Variants in GRID1 observed in about 807,000 individuals in gnomAD.
The protein encoded by GRID1 is glutamate ionotropic receptor delta type subunit 1, also known as glutamate receptor ionotropic, delta-1.
Under a neutral mutation model 98.0 loss-of-function variants are expected in GRID1, and 28 were observed. That is an observed-to-expected ratio of 0.29 (90% CI 0.21 to 0.39). GRID1 has a LOEUF of 0.39. GRID1 is among the 10% of genes least tolerant of loss of function. The pLI, the probability that GRID1 is intolerant of heterozygous loss-of-function variation, is 1.00. For synonymous variants in GRID1, 553 were observed against 538.5 expected, an observed-to-expected ratio of 1.03 and a Z score of -0.37; for missense variants, 1,111 against 1,340.5, an observed-to-expected ratio of 0.83 and a Z score of 2.67.
intron 8 of GRID1, among the ~76,000 whole-genome samples, chr10:85,782,679 C>T (rs1368577139): frequency 3.3e-5 from 5 of 152,188 alleles, no homozygotes; most frequent in Admixed American, 6.5e-5. Context: ...GAGGGAGCAG[C>T]GAGTGCAAAG....
Position 85,623,748 on chromosome 10 carries a change from C to G in GRID1, c.2194-3715G>C, listed in dbSNP as rs551834040. Among the ~76,000 whole-genome samples the G allele has an allele frequency of 5.3e-5, 8 of 152,344 alleles. No individual in the cohort carries two copies. In the East Asian group the frequency reaches 1.5e-3, roughly 29 times the overall value. ...TTCTATCAGGAAAGCATGTCTACCC[C>G]TTTCTTGCCTTGCTCCATCCCTTCA... On this transcript the variant is annotated intron_variant, in intron 13 of 15. Coordinates refer to ENST00000327946, the MANE Select transcript of GRID1 (RefSeq NM_017551.3).
At chr10:86,209,227 G>A (rs1282842570) in intron 2 of GRID1, among the ~76,000 whole-genome samples, 2 of 152,184 alleles carry the variant, frequency 1.3e-5, no homozygotes, top group Non-Finnish European at 2.9e-5. Context: ...CCAAAATTTT[G>A]TGACATAAAC....
intron 4 of GRID1, among the ~76,000 whole-genome samples, chr10:86,031,462 T>C (rs1456143967): frequency 6.6e-6 from 1 of 152,164 alleles, no homozygotes; most frequent in Non-Finnish European, 1.5e-5. Flanking sequence ...GGGTACTATG[T>C]TCACTACTTA....
chr10:85,732,142 G>A (rs1335574109), intron 8 of GRID1, among the ~76,000 whole-genome samples: 1 of 152,016 alleles, frequency 6.6e-6, no homozygotes, highest in African/African-American at 2.4e-5. Context: ...TATTTATTTG[G>A]GGTGCCTGCA....
chr10:85,857,444 G>A (rs1843123014), intron 6 of GRID1, among the ~76,000 whole-genome samples: 1 of 152,010 alleles, frequency 6.6e-6, no homozygotes, highest in Admixed American at 6.5e-5. Flanking sequence ...CCCTCCCAGG[G>A]GCCCAGCGGG....
At chr10:85,985,241 G>A (rs950194549) in intron 4 of GRID1, among the ~76,000 whole-genome samples, 6 of 152,198 alleles carry the variant, frequency 3.9e-5, no homozygotes, top group Non-Finnish European at 8.8e-5. Context: ...CTGAGACTCG[G>A]AGAGGGTTCA....
intron 4 of GRID1, among the ~76,000 whole-genome samples, chr10:85,927,940 T>C (rs1006850870): frequency 6.6e-6 from 1 of 152,200 alleles, no homozygotes; most frequent in East Asian, 1.9e-4. Context: ...GTATGGGGCA[T>C]TGGCCCAGGA....
chr10:85,692,780 C>T (rs563785359), intron 12 of GRID1, among the ~76,000 whole-genome samples: 1 of 151,344 alleles, frequency 6.6e-6, no homozygotes, highest in Non-Finnish European at 1.5e-5. Context: ...TAAGAAAAAA[C>T]CTACAAAATA....
intron 4 of GRID1, among the ~76,000 whole-genome samples, chr10:85,978,388 T>C (rs1041280796): frequency 9.2e-5 from 14 of 152,186 alleles, no homozygotes; most frequent in Non-Finnish European, 1.9e-4. Context: ...AAAGAACATA[T>C]TTAATCAACT....
At position 85,724,414 on chromosome 10, in the gene GRID1, G is replaced by A. The variant is rs761861163; in HGVS notation, c.1796C>T (p.Pro599Leu). 6.8e-6 allele frequency: 11 copies of A among 1,613,986 alleles called. No homozygotes were observed. In the Admixed American group the frequency reaches 8.3e-5, roughly 12 times the overall value. The change falls in exon 11 of 16, where the codon CCG becomes CTG. Residue 599 changes from proline to leucine, a missense_variant. Physicochemically the swap from Pro to Leu is moderately conservative, Grantham distance 98. This residue lies in a region of GRID1 where 762 missense variants were observed against 869.1 expected (regional missense o/e 0.88). Coordinates refer to ENST00000327946, the MANE Select transcript of GRID1 (RefSeq NM_017551.3). Reference protein sequence around the residue: ...VRAQSAAQPRPSASATLHSAI... With the variant: ...VRAQSAAQPRLSASATLHSAI... ...GCTGTGCAGAGTGGCAGAAGCTGAC[G>A]GCCTGGGCTGGGCAGCACTCTGAGC...
chr10:86,329,012 A>C (rs1477682277), intron 2 of GRID1, among the ~76,000 whole-genome samples: 1 of 152,196 alleles, frequency 6.6e-6, no homozygotes, highest in African/African-American at 2.4e-5. Context: ...TTTCAAGCCC[A>C]AAAGCCCTGT....
intron 4 of GRID1, among the ~76,000 whole-genome samples, chr10:86,061,113 G>A (rs1283012327): frequency 2.0e-5 from 3 of 152,044 alleles, no homozygotes; most frequent in Admixed American, 6.5e-5. Flanking sequence ...CCTCCTGGGG[G>A]TACTCTACAG....
intron 2 of GRID1, among the ~76,000 whole-genome samples, chr10:86,266,830 T>C (rs1589431860): frequency 6.6e-6 from 1 of 152,188 alleles, no homozygotes; most frequent in Non-Finnish European, 1.5e-5. Context: ...TGAGGCCTAC[T>C]ACTTCCTGCC....
chr10:86,001,088 G>A, intron 4 of GRID1, among the ~76,000 whole-genome samples: 1 of 152,138 alleles, frequency 6.6e-6, no homozygotes, highest in East Asian at 1.9e-4. Flanking sequence ...AAAGCAGCTG[G>A]TCTCAAAGGC....
chr10:85,906,549 T>C (rs1177466220), intron 5 of GRID1, among the ~76,000 whole-genome samples: 2 of 152,206 alleles, frequency 1.3e-5, no homozygotes, highest in African/African-American at 4.8e-5. Context: ...ATAGAAACTC[T>C]ATCCTCTAAC....
intron 4 of GRID1, among the ~76,000 whole-genome samples, chr10:86,012,018 C>T (rs1269297646): frequency 1.3e-5 from 2 of 151,986 alleles, no homozygotes; most frequent in Admixed American, 6.6e-5. Context: ...ATTAGCCAGG[C>T]GTGGTGGTGG....
intron 2 of GRID1, among the ~76,000 whole-genome samples, chr10:86,335,862 C>T (rs1212459736): frequency 2.6e-5 from 4 of 152,216 alleles, no homozygotes; most frequent in African/African-American, 7.2e-5. Flanking sequence ...CATGAAAGAA[C>T]CCCTCTCCAA....
At chr10:86,008,610 C>A (rs1266052654) in intron 4 of GRID1, among the ~76,000 whole-genome samples, 1 of 152,116 alleles carries the variant, frequency 6.6e-6, no homozygotes, top group African/African-American at 2.4e-5. Context: ...GGTCTTCTCA[C>A]AGAAAAGGAA....
chr10:86,178,263 A>AT (rs5786732), intron 3 of GRID1, among the ~76,000 whole-genome samples: 15,225 of 151,890 alleles, frequency 0.1, 1,250 homozygotes, highest in African/African-American at 0.21. Context: ...ATTATTGAGC[A>AT]TTTTTTTTCT....
Sources: gnomAD v4.1 joint callset for allele counts (sites outside exome capture counted in the v4.1 genomes callset) on GRCh38, gnomAD v4.1.1 for gene constraint, gnomAD v4.1.1 regional missense constraint, MANE v1.5 for transcripts, NCBI Gene and HGNC (gene_info 2026-07-23, HGNC 2026-07-21) for gene names.